DNAJB6: variants seen among roughly 807,000 people sequenced by gnomAD.
DNAJB6 encodes the protein dnaJ homolog subfamily B member 6.
A neutral mutation model predicts 42.7 loss-of-function variants in DNAJB6; 16 were observed. That is an observed-to-expected ratio of 0.37 (90% confidence interval 0.25 to 0.57). The LOEUF (loss-of-function observed/expected upper bound fraction) is 0.57. Ranked by LOEUF, DNAJB6 falls within the 20% of genes least tolerant of loss-of-function variation. DNAJB6 has a pLI of 0.74. For synonymous variants in DNAJB6, 170 were observed against 163.5 expected, an observed-to-expected ratio of 1.04 and a Z score of -0.30; for missense variants, 347 against 416.8, an observed-to-expected ratio of 0.83 and a Z score of 1.46.
At chr7:157,375,706 G>C (rs1232122518) in intron 5 of DNAJB6, among the ~76,000 whole-genome samples, 1 of 152,150 alleles carries the variant, frequency 6.6e-6, no homozygotes, top group Admixed American at 6.5e-5. Context: ...ATTCCTAACA[G>C]TTAGGTTATT....
intron 1 of DNAJB6, among the ~76,000 whole-genome samples, chr7:157,348,926 G>T (rs1196616239): frequency 6.6e-6 from 1 of 152,136 alleles, no homozygotes; most frequent in Non-Finnish European, 1.5e-5. Context: ...TCTGTTCTCT[G>T]CCTGGGGAGC....
chr7:157,342,567 C>G (rs1424763793), intron 1 of DNAJB6, among the ~76,000 whole-genome samples: 1 of 152,176 alleles, frequency 6.6e-6, no homozygotes, highest in East Asian at 1.9e-4. Flanking sequence ...GGTCATCCGC[C>G]TGCCTTGGCC....
chr7:157,411,538 G>C (rs1795976808), intron 9 of DNAJB6: 1 of 152,676 alleles, frequency 6.5e-6, no homozygotes, highest in African/African-American at 2.4e-5. Flanking sequence ...AGGGTGCACT[G>C]TTTGTCGATG....
In DNAJB6 at chr7:157,416,955, C is replaced by T; in HGVS notation, c.*857C>T. ...GTCACTTCATTCTAACTAGATGCGC[C>T]CACTTCCGGTCATTATTTCGTTTGC... On this transcript the variant is annotated 3_prime_UTR_variant, in exon 10 of 10. Transcript: ENST00000262177. 6.6e-6 allele frequency: 1 copy of T among 152,156 alleles called. No individual in the cohort carries two copies. Among genetic ancestry groups the T allele is most frequent in the Non-Finnish European group, 1.5e-5 (1 of 68,054 alleles). The allele number at this position is 152,156 out of a possible 1,614,324, so 9.4% of individuals were successfully genotyped here.
chr7:157,340,964 C>CTGTGTGTGTGTGTG (rs35976329), intron 1 of DNAJB6, among the ~76,000 whole-genome samples: 14 of 146,200 alleles, frequency 9.6e-5, no homozygotes, highest in African/African-American at 3.3e-4. Context: ...CCGCACCTGG[C>CTGTGTGTGTGTGTG]TGTGTGTGTG....
At chr7:157,341,074 G>A (rs1200429791) in intron 1 of DNAJB6, among the ~76,000 whole-genome samples, 1 of 151,786 alleles carries the variant, frequency 6.6e-6, no homozygotes, top group South Asian at 2.1e-4. Context: ...CTTTCATCCC[G>A]GCCTGTCAAA....
chr7:157,387,430 C>T (rs145626452), intron 8 of DNAJB6, among the ~76,000 whole-genome samples: 15 of 152,176 alleles, frequency 9.9e-5, no homozygotes, highest in African/African-American at 2.9e-4. Flanking sequence ...GATCATAGAG[C>T]GCGCTTTTGT....
At chr7:157,397,150 G>GC (rs961283582) in intron 8 of DNAJB6, among the ~76,000 whole-genome samples, 1 of 152,254 alleles carries the variant, frequency 6.6e-6, no homozygotes, top group African/African-American at 2.4e-5. Flanking sequence ...TGTGAAGCCA[G>GC]CCCCGTGCGT....
intron 8 of DNAJB6, among the ~76,000 whole-genome samples, chr7:157,391,387 G>T (rs1801333955): frequency 6.6e-6 from 1 of 152,262 alleles, no homozygotes; most frequent in South Asian, 2.1e-4. Context: ...ACTTGAACGA[G>T]AAAGTGCTGT....
intron 1 of DNAJB6, among the ~76,000 whole-genome samples, chr7:157,347,211 A>G (rs1013492219): frequency 2.0e-5 from 3 of 152,132 alleles, no homozygotes; most frequent in Non-Finnish European, 4.4e-5. Flanking sequence ...TTATATTCTA[A>G]ATTTGTTAGT....
chr7:157,346,600 C>T (rs549426985), intron 1 of DNAJB6, among the ~76,000 whole-genome samples: 1 of 152,200 alleles, frequency 6.6e-6, no homozygotes, highest in African/African-American at 2.4e-5. Flanking sequence ...ACCAAAAATA[C>T]TTCTATAGGG....
chr7:157,363,102 CA>C, intron 2 of DNAJB6, 58 bp from the exon 3 acceptor site: 1 of 1,253,602 alleles, frequency 8.0e-7, no homozygotes, highest in Non-Finnish European at 1.1e-6. Flanking sequence ...ATGTTAGTTT[CA>C]AAAGCATAGT....
At chr7:157,410,314 CGT>C in intron 9 of DNAJB6, 1 of 525,724 alleles carries the variant, frequency 1.9e-6, no homozygotes, top group African/African-American at 2.0e-5. Context: ...CGTGCCTTTT[CGT>C]AGCTTTCAGC....
chr7:157,344,976 A>C (rs2116869736), intron 1 of DNAJB6, among the ~76,000 whole-genome samples: 1 of 151,876 alleles, frequency 6.6e-6, no homozygotes, highest in East Asian at 1.9e-4. Flanking sequence ...TTTAACTTTA[A>C]AGTTTTTTGT....
chr7:157,354,762 A>G (rs1344018137), intron 1 of DNAJB6, among the ~76,000 whole-genome samples: 1 of 152,178 alleles, frequency 6.6e-6, no homozygotes, highest in African/African-American at 2.4e-5. Flanking sequence ...AATGAATTTC[A>G]TTTATTTCAG....
intron 3 of DNAJB6, among the ~76,000 whole-genome samples, chr7:157,364,521 C>G (rs1015163555): frequency 6.6e-6 from 1 of 152,080 alleles, no homozygotes; most frequent in Admixed American, 6.6e-5. Flanking sequence ...TTGAGGTGAT[C>G]GTCCTCTCTC....
chr7:157,395,085 C>A (rs927097623), intron 8 of DNAJB6, among the ~76,000 whole-genome samples: 3 of 148,956 alleles, frequency 2.0e-5, no homozygotes, highest in Non-Finnish European at 4.4e-5. Flanking sequence ...CAGAGCAAGA[C>A]CCTGTGCCCG....
At chr7:157,384,545 A>G (rs1337625993) in intron 6 of DNAJB6, among the ~76,000 whole-genome samples, 1 of 152,186 alleles carries the variant, frequency 6.6e-6, no homozygotes, top group Admixed American at 6.5e-5. Flanking sequence ...TCATGGTGCC[A>G]AGCAGACCAC....
intron 1 of DNAJB6, among the ~76,000 whole-genome samples, chr7:157,340,909 C>G (rs981707390): frequency 4.6e-5 from 7 of 151,998 alleles, no homozygotes; most frequent in African/African-American, 1.7e-4. Context: ...TCAGGTGATC[C>G]CCTGCCTCCG....
Sources: allele counts gnomAD v4.1 joint callset (sites outside exome capture counted in the v4.1 genomes callset), GRCh38; gene constraint gnomAD v4.1.1; transcripts MANE v1.5; gene names NCBI Gene and HGNC (gene_info 2026-07-23, HGNC 2026-07-21).